CACNA2D3: variants seen among roughly 807,000 people sequenced by gnomAD.
CACNA2D3 encodes the protein calcium voltage-gated channel auxiliary subunit alpha2delta 3.
CACNA2D3 carries 60 observed loss-of-function variants against 160.6 expected under a neutral mutation model. That is an observed-to-expected ratio of 0.37 (90% CI 0.30 to 0.46). The LOEUF (loss-of-function observed/expected upper bound fraction) is 0.46, where lower values mean the gene tolerates loss of function less well. Among genes scored for constraint, CACNA2D3 ranks in the 20% least tolerant of loss-of-function variants. CACNA2D3 has a pLI of 1.00. For synonymous variants in CACNA2D3, 558 were observed against 492.9 expected, an observed-to-expected ratio of 1.13 and a Z score of -1.75; for missense variants, 1,205 against 1,365.0, an observed-to-expected ratio of 0.88 and a Z score of 1.85.
chr3:54,449,202 G>GA (rs1700267129), intron 4 of CACNA2D3, among the ~76,000 whole-genome samples: 1 of 152,186 alleles, frequency 6.6e-6, no homozygotes, highest in Admixed American at 6.5e-5. Flanking sequence ...CTTATAGAGT[G>GA]AATGGACAAA....
chr3:54,314,597 A>T (rs941662965), intron 2 of CACNA2D3, among the ~76,000 whole-genome samples: 3 of 152,116 alleles, frequency 2.0e-5, no homozygotes, highest in Non-Finnish European at 4.4e-5. Flanking sequence ...GATTATGGCC[A>T]TTCTTGCAGG....
intron 3 of CACNA2D3, among the ~76,000 whole-genome samples, chr3:54,348,010 A>G (rs771234966): frequency 6.6e-6 from 1 of 152,230 alleles, no homozygotes; most frequent in African/African-American, 2.4e-5. Context: ...TTTGACTCCT[A>G]TGTATGTATG....
At chr3:55,006,093 G>A (rs1341577589) in intron 32 of CACNA2D3, among the ~76,000 whole-genome samples, 1 of 152,170 alleles carries the variant, frequency 6.6e-6, no homozygotes, top group African/African-American at 2.4e-5. Context: ...GACTCACTAT[G>A]TCTTTCTAAC....
At chr3:54,149,907 C>A (rs1576960463) in intron 2 of CACNA2D3, among the ~76,000 whole-genome samples, 1 of 89,084 alleles carries the variant, frequency 1.1e-5, no homozygotes, top group Non-Finnish European at 2.3e-5. Context: ...CTCTCTCTCT[C>A]TCTCTCTCTC....
intron 31 of CACNA2D3, among the ~76,000 whole-genome samples, chr3:54,995,585 T>C (rs995966060): frequency 6.6e-6 from 1 of 152,050 alleles, no homozygotes. Flanking sequence ...GTTCAGGGAG[T>C]TCCAAAAGCT....
intron 4 of CACNA2D3, among the ~76,000 whole-genome samples, chr3:54,445,092 G>C (rs1559482824): frequency 6.6e-6 from 1 of 152,198 alleles, no homozygotes; most frequent in East Asian, 1.9e-4. Flanking sequence ...TGCATGTCAA[G>C]TCAACCAGGT....
chr3:54,389,634 C>T (rs1190367109), intron 4 of CACNA2D3, among the ~76,000 whole-genome samples: 1 of 152,148 alleles, frequency 6.6e-6, no homozygotes, highest in Non-Finnish European at 1.5e-5. Context: ...AAATATAACA[C>T]AGTTATGTAG....
intron 16 of CACNA2D3, among the ~76,000 whole-genome samples, 170 bp downstream of exon 16, chr3:54,838,818 TTTA>T (rs1698752477): frequency 6.6e-6 from 1 of 152,220 alleles, no homozygotes; most frequent in South Asian, 2.1e-4. Flanking sequence ...AGGTTTTTTT[TTTA>T]TTATTTACAA....
intron 2 of CACNA2D3, among the ~76,000 whole-genome samples, chr3:54,316,317 C>T (rs891238050): frequency 6.6e-6 from 1 of 152,114 alleles, no homozygotes; most frequent in Admixed American, 6.5e-5. Context: ...TTTTAAGTTA[C>T]TAAGGGCTTT....
At chr3:54,877,400 A>AT (rs2106833446) in intron 18 of CACNA2D3, among the ~76,000 whole-genome samples, 1 of 152,312 alleles carries the variant, frequency 6.6e-6, no homozygotes, top group South Asian at 2.1e-4. Context: ...GATAGCTAGC[A>AT]TGTATTGAGT....
chr3:54,606,268 T>C (rs913814390), intron 9 of CACNA2D3, among the ~76,000 whole-genome samples: 2 of 152,118 alleles, frequency 1.3e-5, no homozygotes, highest in African/African-American at 4.8e-5. Flanking sequence ...GAAGGAGTTA[T>C]TTTCAGTACT....
At chr3:54,678,749 A>AAAAAAAAAAAT (rs1700289334) in intron 11 of CACNA2D3, among the ~76,000 whole-genome samples, 1 of 143,614 alleles carries the variant, frequency 7.0e-6, no homozygotes, top group Non-Finnish European at 1.5e-5. Context: ...AAAAAAAAAA[A>AAAAAAAAAAAT]GTTGATGATC....
chr3:54,615,077 G>A (rs1698822373), intron 9 of CACNA2D3, among the ~76,000 whole-genome samples: 1 of 152,184 alleles, frequency 6.6e-6, no homozygotes, highest in South Asian at 2.1e-4. Context: ...TTCTACAAGT[G>A]GTTCTTCAGC....
chr3:54,738,103 A>G (rs1353642144), intron 11 of CACNA2D3, among the ~76,000 whole-genome samples: 3 of 152,222 alleles, frequency 2.0e-5, no homozygotes, highest in South Asian at 2.1e-4. Flanking sequence ...AGCAGAAGAT[A>G]TAGAAGTCAC....
chr3:54,374,897 C>G (rs185950429), intron 3 of CACNA2D3, among the ~76,000 whole-genome samples: 29 of 151,444 alleles, frequency 1.9e-4, no homozygotes, highest in African/African-American at 7.0e-4. Context: ...CATCAATAAT[C>G]AATAATATTT....
chr3:54,154,161 T>C (rs6796475), intron 2 of CACNA2D3, among the ~76,000 whole-genome samples: 34,469 of 152,144 alleles, frequency 0.23, 4,314 homozygotes, highest in African/African-American at 0.33. Context: ...CAGATACTTA[T>C]TTTCTTTCAT....
At chr3:54,817,007 C>G in intron 14 of CACNA2D3, 137 bp downstream of exon 14, 1 of 1,041,658 alleles carries the variant, frequency 9.6e-7, no homozygotes, top group Non-Finnish European at 1.4e-6. Flanking sequence ...TGAAGTTGGG[C>G]AGGAACAGAG....
intron 11 of CACNA2D3, among the ~76,000 whole-genome samples, chr3:54,679,971 G>C (rs2106912313): frequency 6.6e-6 from 1 of 152,328 alleles, no homozygotes; most frequent in East Asian, 1.9e-4. Context: ...TTTTGTTGCT[G>C]TTAATTTAAA....
At chr3:54,251,959 G>A (rs1461863405) in intron 2 of CACNA2D3, among the ~76,000 whole-genome samples, 2 of 152,050 alleles carry the variant, frequency 1.3e-5, no homozygotes, top group African/African-American at 2.4e-5. Context: ...AATCTGCTTG[G>A]TTCTAGTATT....
Sources: gnomAD v4.1 joint callset for allele counts (sites outside exome capture counted in the v4.1 genomes callset) on GRCh38, gnomAD v4.1.1 for gene constraint, MANE v1.5 for transcripts, NCBI Gene and HGNC (gene_info 2026-07-23, HGNC 2026-07-21) for gene names.